Variants in CARS2 observed in about 807,000 individuals in gnomAD.
CARS2 encodes the protein probable cysteine--tRNA ligase, mitochondrial.
CARS2 carries 52 observed loss-of-function variants against 68.8 expected under a neutral mutation model. The observed-to-expected ratio is 0.76, with a 90% CI of 0.61 to 0.95. CARS2 has a LOEUF of 0.95. CARS2 is among the 40% of genes least tolerant of loss of function. CARS2 has a pLI of 0.00. For synonymous variants in CARS2, 314 were observed against 303.6 expected (o/e 1.03, Z -0.36); for missense variants, 780 against 754.2 (o/e 1.03, Z -0.40).
chr13:110,707,910 G>C (rs1010403394), upstream of CARS2, among the ~76,000 whole-genome samples: 3 of 152,124 alleles, frequency 2.0e-5, no homozygotes, highest in African/African-American at 7.2e-5. Context: ...GTAATCTATT[G>C]TCTAATTTAA....
At chr13:110,708,115 T>G (rs2063998487), upstream of CARS2, among the ~76,000 whole-genome samples, 1 of 152,002 alleles carries the variant, frequency 6.6e-6, no homozygotes. Flanking sequence ...AACTTCTCAC[T>G]GTGCCCTGCA....
chr13:110,687,847 G>T, intron 4 of CARS2, 21 bp from the exon 5 acceptor site: 1 of 1,576,798 alleles, frequency 6.3e-7, no homozygotes, highest in South Asian at 1.1e-5. Context: ...GTGGAGACGT[G>T]ACCGTGTTTC....
At chr13:110,687,189 G>A (rs140975583) in intron 5 of CARS2, among the ~76,000 whole-genome samples, 6 of 151,992 alleles carry the variant, frequency 3.9e-5, no homozygotes, top group East Asian at 1.9e-4. Context: ...CTGTCCAGAC[G>A]TTCCCCTCTC....
At chr13:110,701,588 T>C (rs754167806) in intron 2 of CARS2, 33 bp from the exon 3 acceptor site, 1 of 920,344 alleles carries the variant, frequency 1.1e-6, no homozygotes, top group Admixed American at 1.7e-5. Flanking sequence ...ATGTCTTTAT[T>C]ACACAAAGTC....
intron 13 of CARS2, 145 bp from the exon 14 acceptor site, chr13:110,642,666 G>A (rs768619007): frequency 7.2e-6 from 6 of 828,384 alleles, no homozygotes; most frequent in Admixed American, 1.7e-5. Context: ...TTCTGGGTCT[G>A]GCAGGGATGG....
At chr13:110,642,163 C>T (rs1032105126) in intron 14 of CARS2, 152 bp downstream of exon 14, 40 of 656,478 alleles carry the variant, frequency 6.1e-5, no homozygotes, top group African/African-American at 1.1e-4. Flanking sequence ...GCCGAGATCA[C>T]GCCATTGCAC....
At position 110,706,057 on chromosome 13, in the gene CARS2, G is replaced by A. The variant is rs1044669719; in HGVS notation, c.37C>T (p.Pro13Ser). ...AGGCCCAGCGCGGCCTGGAGCAGCG[G>A]GGGGCCCAGGCCTGGGCCGCGCGTA... Reference protein sequence around the residue: ...RTTRGPGLGPPLLQAALGLGR... With the variant: ...RTTRGPGLGPSLLQAALGLGR... The change falls in exon 1 of 15, where the codon CCG becomes TCG. Residue 13 changes from proline to serine, a missense_variant. Pro to Ser is a moderately conservative substitution (Grantham distance 74). Transcript: ENST00000257347. 1.4e-5 allele frequency: 19 copies of A among 1,359,810 alleles called. No individual in the cohort carries two copies. Among genetic ancestry groups the A allele is most frequent in the Middle Eastern group, 2.0e-4 (1 of 4,962 alleles). The allele number at this position is 1,359,810 out of a possible 1,614,324, so 84.2% of individuals were successfully genotyped here. A position where few individuals can be genotyped will look rare whatever the true frequency, so the allele number is the denominator to read the frequency against.
At chr13:110,686,845 A>G (rs2063316586) in intron 5 of CARS2, among the ~76,000 whole-genome samples, 1 of 151,958 alleles carries the variant, frequency 6.6e-6, no homozygotes, top group South Asian at 2.1e-4. Flanking sequence ...GGCATCAGCC[A>G]CCATGCCTGG....
At chr13:110,663,633 C>T (rs936848073) in intron 8 of CARS2, 115 bp from the exon 9 acceptor site, 3 of 1,490,574 alleles carry the variant, frequency 2.0e-6, no homozygotes, top group Non-Finnish European at 2.7e-6. Context: ...ATGTATAGAC[C>T]AGTGTATGTT....
intron 1 of CARS2, chr13:110,712,393 G>A (rs1414140322): frequency 5.7e-6 from 1 of 175,748 alleles, no homozygotes; most frequent in African/African-American, 2.4e-5. Flanking sequence ...CAGCTCTCGG[G>A]GCCACCCCGG....
chr13:110,713,031 C>T (rs1305349350), intron 1 of CARS2: 2 of 1,491,476 alleles, frequency 1.3e-6, no homozygotes, highest in Admixed American at 2.2e-5. Context: ...GAGAGGGTGC[C>T]AGTGCGCATG....
chr13:110,687,226 C>T (rs2063325675), intron 5 of CARS2, among the ~76,000 whole-genome samples: 1 of 152,170 alleles, frequency 6.6e-6, no homozygotes, highest in East Asian at 1.9e-4. Flanking sequence ...AGAACTAATT[C>T]AACCATTTCG....
intron 2 of CARS2, among the ~76,000 whole-genome samples, chr13:110,704,113 T>C (rs925680939): frequency 6.6e-6 from 1 of 152,246 alleles, no homozygotes; most frequent in Admixed American, 6.5e-5. Flanking sequence ...CTGTTGTTTA[T>C]AAGTCATCCA....
chr13:110,648,210 TAGAAAAG>T (rs1297372528), intron 10 of CARS2: 1 of 152,138 alleles, frequency 6.6e-6, no homozygotes, highest in Non-Finnish European at 1.5e-5. Context: ...AATAGCTTGA[TAGAAAAG>T]AGAAAAAGCC....
intron 8 of CARS2, chr13:110,664,880 G>A: frequency 1.9e-6 from 1 of 535,138 alleles, no homozygotes; most frequent in African/African-American, 2.1e-5. Flanking sequence ...GAGACACCGA[G>A]TCTGCCAGTG....
intron 1 of CARS2, chr13:110,712,536 G>A (rs895764773): frequency 3.2e-6 from 1 of 313,864 alleles, no homozygotes; most frequent in African/African-American, 2.2e-5. Context: ...CGGAAGGGGG[G>A]GGGCCGGCGC....
At chr13:110,642,812 A>G (rs1386053704) in intron 13 of CARS2, 1 of 667,030 alleles carries the variant, frequency 1.5e-6, no homozygotes, top group South Asian at 1.5e-5. Flanking sequence ...CGCCCTGAAC[A>G]CAAACGCTCC....
At chr13:110,659,036 G>A (rs191382364) in intron 9 of CARS2, among the ~76,000 whole-genome samples, 62 of 152,128 alleles carry the variant, frequency 4.1e-4, no homozygotes, top group African/African-American at 1.4e-3. Flanking sequence ...TTATTTTTAG[G>A]AGTTGGTTAC....
intron 5 of CARS2, among the ~76,000 whole-genome samples, chr13:110,687,433 G>C (rs574529714): frequency 6.6e-6 from 1 of 152,112 alleles, no homozygotes; most frequent in Admixed American, 6.5e-5. Flanking sequence ...ACTTTGGGAG[G>C]CTGAGGCAGG....
Sources: allele counts gnomAD v4.1 joint callset (sites outside exome capture counted in the v4.1 genomes callset), GRCh38; gene constraint gnomAD v4.1.1; transcripts MANE v1.5; gene names NCBI Gene and HGNC (gene_info 2026-07-23, HGNC 2026-07-21).